NFE2L1: variants seen among roughly 807,000 people sequenced by gnomAD.
NFE2L1 encodes the protein endoplasmic reticulum membrane sensor NFE2L1.
NFE2L1 carries 18 observed loss-of-function variants against 61.6 expected under a neutral mutation model. That is an observed-to-expected ratio of 0.29 (90% CI 0.20 to 0.43). The LOEUF is 0.43. Among genes scored for constraint, NFE2L1 ranks in the 20% least tolerant of loss-of-function variants. The probability of loss-of-function intolerance (pLI) is 1.00; values close to 1 mark genes in which losing one functional copy is unlikely to be tolerated. For synonymous variants in NFE2L1, 419 were observed against 402.7 expected (o/e 1.04, Z -0.48); for missense variants, 827 against 973.5 (o/e 0.85, Z 2.00).
chr17:48,059,179 A>G lies in NFE2L1; in HGVS notation c.1857A>G (p.Arg619=). Residue 619 remains arginine, a synonymous_variant, in exon 6 of 6, where the codon CGA becomes CGG. Transcript: ENST00000362042. The surrounding 1 kb of genome is among the most constrained non-coding windows in gnomAD (Gnocchi z 6.1). The stretch of plus-strand genomic sequence containing the variant: ...TGAGCCGGGATGAGCACCGAGCCCG[A>G]GCCATGAAGATCCCTTTCACCAATG... ...KQMSRDEHRA[R]AMKIPFTNDK... 1.2e-6 allele frequency: 2 copies of G among 1,614,098 alleles called. No individual in the cohort carries two copies.
intron 2 of NFE2L1, chr17:48,054,765 A>G: frequency 7.8e-7 from 1 of 1,276,560 alleles, no homozygotes; most frequent in Non-Finnish European, 9.9e-7. Flanking sequence ...CTCTGCGGTG[A>G]GCTCAGGGTG....
At chr17:48,049,214 G>C (rs1168106072) in intron 1 of NFE2L1, 1 of 152,230 alleles carries the variant, frequency 6.6e-6, no homozygotes, top group Non-Finnish European at 1.5e-5. Flanking sequence ...ACCAGAAACA[G>C]ATTTACTTCC....
Position 48,059,288 on chromosome 17 carries a change from C to T in NFE2L1, c.1966C>T (p.Arg656Ter). 6.2e-7 allele frequency: 1 copy of T among 1,614,198 alleles called. No individual in the cohort carries two copies. The highest frequency in any genetic ancestry group is 8.5e-7 in the Non-Finnish European group (1 of 1,180,052). ...GAGTGAAGCCCAGCTGAGCCTCATC[C>T]GAGACATCCGGCGCCGGGGCAAGAA... ...QLSEAQLSLI[R>*]DIRRRGKNKM... Residue 656 changes from arginine (R) to a stop codon, truncating the protein, a stop_gained, in exon 6 of 6, where the codon CGA becomes TGA. Transcript: ENST00000362042. LOFTEE classifies it high-confidence loss of function. This position sits in a 1 kb window ranked among gnomAD's most constrained non-coding sequence, Gnocchi z 6.1.
In NFE2L1 at chr17:48,050,886, G is replaced by A; in HGVS notation, c.-233G>A. 1 of 608,486 alleles carries A rather than the reference G, an allele frequency of 1.6e-6. No homozygotes were observed. Among genetic ancestry groups the A allele is most frequent in the Non-Finnish European group, 2.9e-6 (1 of 344,062 alleles). 37.7% of individuals were successfully genotyped at this position (608,486 alleles called of 1,614,324 possible). A position where few individuals can be genotyped will look rare whatever the true frequency, so the allele number is the denominator to read the frequency against. ...ACAGTTGTACTTTCAGAGGTGAGGT[G>A]TCGAGAAGGGAAAGTGAATGTGGTC... On this transcript the variant is annotated 5_prime_UTR_variant, in exon 2 of 6. Coordinates refer to ENST00000362042, the MANE Select transcript of NFE2L1 (RefSeq NM_003204.3).
At chr17:48,056,354 T>G (rs2037400765) in intron 2 of NFE2L1, 32 bp from the exon 3 acceptor site, 2 of 1,612,910 alleles carry the variant, frequency 1.2e-6, no homozygotes, top group South Asian at 1.1e-5. Flanking sequence ...CCTTGGGATC[T>G]TAGAGCTAAA....
At position 48,051,227 on chromosome 17, in the gene NFE2L1, C is replaced by T. The variant is rs202183954; in HGVS notation, c.109C>T (p.Pro37Ser). ...GGATACTTACCTGACCTCACAGCTT[C>T]CCCCACTCCGGGAGATCATCCTGGG... ...DVDTYLTSQL[P>S]PLREIILGPS... Residue 37 changes from proline to serine, a missense_variant, in exon 2 of 6, where the codon CCC becomes TCC. Pro to Ser is a moderately conservative substitution (Grantham distance 74). Around this residue, in one of 3 missense-constraint regions of NFE2L1, gnomAD observed 667 missense variants for 748.4 expected, o/e 0.89. Coordinates refer to ENST00000362042, the MANE Select transcript of NFE2L1 (RefSeq NM_003204.3). The T allele has an allele frequency of 2.0e-4, 318 of 1,614,056 alleles. No homozygotes were observed. The highest frequency in any genetic ancestry group is 2.5e-4 in the Non-Finnish European group (300 of 1,180,034).
chr17:48,051,667 T>TG (rs749572978), intron 2 of NFE2L1, 39 bp downstream of exon 2: 1 of 1,564,386 alleles, frequency 6.4e-7, no homozygotes, highest in Non-Finnish European at 8.7e-7. Flanking sequence ...GCCTGGGGCT[T>TG]GGGGGTGGGC....
intron 2 of NFE2L1, 101 bp downstream of exon 2, chr17:48,051,729 G>A: frequency 7.1e-7 from 1 of 1,405,444 alleles, no homozygotes; most frequent in Non-Finnish European, 9.6e-7. Context: ...GAGCCAGACA[G>A]GTTTCAGCAG....
At position 48,057,522 on chromosome 17, in the gene NFE2L1, G is replaced by T; in HGVS notation, c.972+20G>T. 1.9e-6 allele frequency: 3 copies of T among 1,603,900 alleles called. No homozygotes were observed. The highest frequency in any genetic ancestry group is 1.7e-6 in the Non-Finnish European group (2 of 1,175,436). On this transcript the variant is annotated intron_variant, in intron 5 of 5. Transcript: ENST00000362042. Reference sequence around the variant, plus strand: ...ATGCAGGTAGGATTGTCGGAACCGGGCACAAACCTATTGGATTTTGCACAG... The same window carrying T: ...ATGCAGGTAGGATTGTCGGAACCGGTCACAAACCTATTGGATTTTGCACAG...
chr17:48,058,966 TTCCAAG>T lies in NFE2L1; in HGVS notation c.1646_1651del (p.Ser549_Lys550del), dbSNP rs756619940. ...GTGCTGTGGGCTACCAGCCTGAGTA[TTCCAAG>T]TTCTGCCGCATGAGCTACCAGGATC... On this transcript the variant is annotated inframe_deletion, in exon 6 of 6. Transcript: ENST00000362042. 9.9e-6 allele frequency: 16 copies of T among 1,614,028 alleles called. No homozygotes were observed. Among genetic ancestry groups the T allele is most frequent in the Non-Finnish European group, 8.5e-7 (1 of 1,180,032 alleles).
At chr17:48,049,267 C>T (rs1204753791) in intron 1 of NFE2L1, 2 of 152,282 alleles carry the variant, frequency 1.3e-5, no homozygotes, top group Non-Finnish European at 2.9e-5. Context: ...CCATATCCTT[C>T]TGCTTTGGCT....
Position 48,060,986 on chromosome 17 carries a change from GTCGTCGTCTGCTTTCTTT to G in NFE2L1, c.*1347_*1364del, listed in dbSNP as rs1198097373. 5 of 152,484 alleles carry G rather than the reference GTCGTCGTCTGCTTTCTTT, an allele frequency of 3.3e-5. No homozygotes were observed. The highest frequency in any genetic ancestry group is 1.2e-4 in the African/African-American group (5 of 41,328). The allele number at this position is 152,484 out of a possible 1,614,324, so 9.4% of individuals were successfully genotyped here. Reference sequence around the variant, plus strand: ...TGGGATTTTTCTCCTCTGTCCCGAGGTCGTCGTCTGCTTTCTTTTTTGGGTTTCTTTCTAGAAGATTGA... The same window carrying G: ...TGGGATTTTTCTCCTCTGTCCCGAGGTTTGGGTTTCTTTCTAGAAGATTGA... On this transcript the variant is annotated 3_prime_UTR_variant, in exon 6 of 6. Coordinates refer to ENST00000362042, the MANE Select transcript of NFE2L1 (RefSeq NM_003204.3).
chr17:48,057,877 G>A (rs2037443479), intron 5 of NFE2L1, among the ~76,000 whole-genome samples: 2 of 152,190 alleles, frequency 1.3e-5, no homozygotes, highest in Non-Finnish European at 2.9e-5. Flanking sequence ...CAGTCATCTA[G>A]TCAGCCTTTA....
intron 5 of NFE2L1, 53 bp from the exon 6 acceptor site, chr17:48,058,242 C>G: frequency 6.6e-7 from 1 of 1,519,810 alleles, no homozygotes. Flanking sequence ...TGTGTGAGCC[C>G]CAGGGGAGGG....
At position 48,051,322 on chromosome 17, in the gene NFE2L1, C is replaced by T. The variant is rs538629704; in HGVS notation, c.204C>T (p.His68=). 17 of 1,614,122 alleles carry T rather than the reference C, an allele frequency of 1.1e-5. No homozygotes were observed. The East Asian group carries it at 3.1e-4, about 30-fold the overall frequency. The change falls in exon 2 of 6, where the codon CAC becomes CAT. Residue 68 remains histidine, a synonymous_variant. Coordinates refer to ENST00000362042, the MANE Select transcript of NFE2L1 (RefSeq NM_003204.3). ...LRNTLDGYGI[H]PKSIDLDNYF... Reference sequence around the variant, plus strand: ...ATACCTTGGATGGCTATGGTATCCACCCCAAGAGCATAGACCTGGACAATT... The same window carrying T: ...ATACCTTGGATGGCTATGGTATCCATCCCAAGAGCATAGACCTGGACAATT...
Position 48,055,923 on chromosome 17 carries a change from C to T in NFE2L1, c.511-463C>T, listed in dbSNP as rs189381307. On this transcript the variant is annotated intron_variant, in intron 2 of 5. Coordinates refer to ENST00000362042, the MANE Select transcript of NFE2L1 (RefSeq NM_003204.3). ...CCCCTTTATGCAAATGAAATGGTAC[C>T]ACAGGCTGATGCAAGCCTGGCCACT... 1.0e-3 allele frequency: 169 copies of T among 165,638 alleles called. 1 individual carries two copies. Among genetic ancestry groups the T allele is most frequent in the African/African-American group, 3.8e-3 (157 of 41,718 alleles). 10.3% of individuals were successfully genotyped at this position (165,638 alleles called of 1,614,324 possible).
At position 48,054,666 on chromosome 17, in the gene NFE2L1, A is replaced by G. The variant is rs1210602364; in HGVS notation, c.511-1720A>G. The G allele has an allele frequency of 2.3e-5, 28 of 1,200,276 alleles. No individual in the cohort carries two copies. In the Admixed American group the frequency reaches 8.0e-4, roughly 34 times the overall value. 74.4% of individuals were successfully genotyped at this position (1,200,276 alleles called of 1,614,324 possible). ...AACAAGTTTGGGGGGCGTGGGGGGG[A>G]GGAGCGGGAGGATAGGCCCAGGAGG... On this transcript the variant is annotated intron_variant, in intron 2 of 5. Coordinates refer to ENST00000362042, the MANE Select transcript of NFE2L1 (RefSeq NM_003204.3).
chr17:48,054,936 G>A, intron 2 of NFE2L1: 3 of 1,438,688 alleles, frequency 2.1e-6, no homozygotes, highest in South Asian at 2.8e-5. Flanking sequence ...CCAGCCTGGT[G>A]TGCTCCCTGA....
chr17:48,050,665 G>A lies in NFE2L1; in HGVS notation c.-454G>A, dbSNP rs75221366. The A allele has an allele frequency of 3.2e-4, 137 of 431,478 alleles. No homozygotes were observed. The highest frequency in any genetic ancestry group is 6.0e-4 in the Middle Eastern group (1 of 1,668). 26.7% of individuals were successfully genotyped at this position (431,478 alleles called of 1,614,324 possible). On this transcript the variant is annotated 5_prime_UTR_variant, in exon 2 of 6. Transcript: ENST00000362042. ...GAGGCGGGACACTCTGACCCAAGAC[G>A]AAAGGCCTGTAGCTCCAGCCAAAGA...
Sources: gnomAD v4.1 joint callset for allele counts (sites outside exome capture counted in the v4.1 genomes callset) on GRCh38, gnomAD v4.1.1 for gene constraint, gnomAD v4.1.1 regional missense constraint, Gnocchi (gnomAD v3.1) non-coding constraint, MANE v1.5 for transcripts, NCBI Gene and HGNC (gene_info 2026-07-23, HGNC 2026-07-21) for gene names.